The following MTMR12 variants were observed in gnomAD, a reference collection of about 807,000 sequenced individuals.
MTMR12 encodes myotubularin related protein 12.
In MTMR12, 33 loss-of-function variants were observed where a neutral mutation model predicts 96.7. That is an observed-to-expected ratio of 0.34 (90% CI 0.26 to 0.46). MTMR12 has a LOEUF of 0.46. Among genes scored for constraint, MTMR12 ranks in the 20% least tolerant of loss-of-function variants. The probability of loss-of-function intolerance (pLI) is 1.00; values close to 1 mark genes in which losing one functional copy is unlikely to be tolerated. For missense variants in MTMR12, 721 were observed against 896.1 expected (o/e 0.80, Z 2.49); for synonymous variants, 298 against 327.2 (o/e 0.91, Z 0.96).
At chr5:32,267,227 T>C (rs918773589) in intron 6 of MTMR12, among the ~76,000 whole-genome samples, 6 of 151,618 alleles carry the variant, frequency 4.0e-5, no homozygotes, top group African/African-American at 2.4e-5. Context: ...AATACAAAAA[T>C]TAGCCGGGCG....
intron 1 of MTMR12, among the ~76,000 whole-genome samples, chr5:32,298,439 C>A (rs1277967970): frequency 6.6e-6 from 1 of 152,174 alleles, no homozygotes; most frequent in African/African-American, 2.4e-5. Context: ...ACTTAACATA[C>A]TGCCCAAACC....
chr5:32,254,918 GGCAACACTTGGCTCAT>G (rs1186315804), intron 8 of MTMR12, among the ~76,000 whole-genome samples: 1 of 152,126 alleles, frequency 6.6e-6, no homozygotes, highest in East Asian at 1.9e-4. Flanking sequence ...CAGGACATCT[GGCAACACTTGGCTCAT>G]ATTCCCATGT....
At chr5:32,290,822 C>G (rs567466007) in intron 1 of MTMR12, among the ~76,000 whole-genome samples, 1 of 152,308 alleles carries the variant, frequency 6.6e-6, no homozygotes, top group Non-Finnish European at 1.5e-5. Context: ...CAAGGCCCTG[C>G]CATCTTCTGC....
At chr5:32,271,029 A>T in intron 4 of MTMR12, 82 bp from the exon 5 acceptor site, 3 of 1,425,736 alleles carry the variant, frequency 2.1e-6, no homozygotes, top group East Asian at 2.3e-5. Context: ...GTAGATGATC[A>T]ACTTCTAGGG....
At chr5:32,272,397 C>CA (rs1446597739) in intron 3 of MTMR12, among the ~76,000 whole-genome samples, 1 of 152,082 alleles carries the variant, frequency 6.6e-6, no homozygotes, top group Non-Finnish European at 1.5e-5. Context: ...CATTCTGAGA[C>CA]AGGGTTTAGT....
At chr5:32,281,498 T>C (rs1750292269) in intron 1 of MTMR12, among the ~76,000 whole-genome samples, 1 of 152,218 alleles carries the variant, frequency 6.6e-6, no homozygotes, top group East Asian at 1.9e-4. Context: ...ATTTATCTTC[T>C]AGCAGCACAC....
At chr5:32,296,158 CAAAA>C (rs542451211) in intron 1 of MTMR12, among the ~76,000 whole-genome samples, 17 of 139,332 alleles carry the variant, frequency 1.2e-4, no homozygotes, top group African/African-American at 4.5e-4. Context: ...GACTCTGTCT[CAAAA>C]AAAAAAACAA....
rs1747817391 is a variant in MTMR12, at chr5:32,228,514, AAAAT to A, written c.*1260_*1263del. On this transcript the variant is annotated 3_prime_UTR_variant, in exon 16 of 16. Transcript: ENST00000382142. ...CAAAGTATACTTTCCTGCATTAAAA[AAAAT>A]ATATATCATATATATGATATATATA... is the stretch of plus-strand genomic sequence containing the variant. The A allele has an allele frequency of 9.2e-6, 1 of 108,158 alleles. No individual in the cohort carries two copies. The highest frequency in any genetic ancestry group is 9.3e-5 in the Admixed American group (1 of 10,702). 6.7% of individuals were successfully genotyped at this position (108,158 alleles called of 1,614,324 possible). A position where few individuals can be genotyped will look rare whatever the true frequency, so the allele number is the denominator to read the frequency against.
chr5:32,259,740 T>C (rs1749283810), intron 7 of MTMR12, among the ~76,000 whole-genome samples: 1 of 152,094 alleles, frequency 6.6e-6, no homozygotes, highest in Non-Finnish European at 1.5e-5. Context: ...GCTTGCAACT[T>C]AAGTGGTACC....
At position 32,233,674 on chromosome 5, in the gene MTMR12, G is replaced by A; in HGVS notation, c.1674+99C>T. ...CTCAACTCTGCAGACTGCTTCGAGG[G>A]GTAGAAAATGCTGGCAGACAGAATC... On this transcript the variant is annotated intron_variant, in intron 15 of 15. Transcript: ENST00000382142. This position sits in a 1 kb window ranked among gnomAD's most constrained non-coding sequence, Gnocchi z 5.0. 6.6e-7 allele frequency: 1 copy of A among 1,511,446 alleles called. No individual in the cohort carries two copies. The allele number at this position is 1,511,446 out of a possible 1,614,324, so 93.6% of individuals were successfully genotyped here.
At chr5:32,235,159 G>A in intron 13 of MTMR12, 30 bp from the exon 14 acceptor site, 2 of 1,596,260 alleles carry the variant, frequency 1.3e-6, no homozygotes, top group Non-Finnish European at 1.7e-6. Context: ...GTTACTTGGT[G>A]GGCAGAGCCC....
chr5:32,266,906 C>T (rs547338566), intron 6 of MTMR12, among the ~76,000 whole-genome samples: 16 of 151,782 alleles, frequency 1.1e-4, no homozygotes, highest in Admixed American at 2.0e-4. Flanking sequence ...GGTGAAACCC[C>T]GTCTCTACTA....
intron 3 of MTMR12, among the ~76,000 whole-genome samples, chr5:32,272,358 T>C (rs1390470212): frequency 1.3e-5 from 2 of 151,948 alleles, no homozygotes; most frequent in East Asian, 1.9e-4. Flanking sequence ...AAAGGGACGA[T>C]GAAGTATGTG....
chr5:32,263,257 T>C lies in MTMR12; in HGVS notation c.584-15A>G, dbSNP rs1749444134. 2 of 1,613,322 alleles carry C rather than the reference T, an allele frequency of 1.2e-6. No homozygotes were observed. Among genetic ancestry groups the C allele is most frequent in the East Asian group, 2.2e-5 (1 of 44,874 alleles). On this transcript the variant is annotated splice_polypyrimidine_tract_variant and intron_variant, in intron 6 of 15. Transcript: ENST00000382142. ...GGGATCAGTGACTAAGAGAACAAAA[T>C]GTAAAAGACAATAAAATCTTTCCAT... is the stretch of plus-strand genomic sequence containing the variant.
At position 32,230,300 on chromosome 5, in the gene MTMR12, G is replaced by T; in HGVS notation, c.1722C>A (p.Pro574=). ...SLPLTQSKSS[P]KRGFFREETD... ...TTTCTTCCCTGAAAAATCCTCTTTT[G>T]GGAGATGACTTAGATTGTGTAAGTG... The change falls in exon 16 of 16, where the codon CCC becomes CCA. Residue 574 remains proline (P), a synonymous_variant. Transcript: ENST00000382142. The T allele has an allele frequency of 6.2e-7, 1 of 1,613,510 alleles. No homozygotes were observed. The highest frequency in any genetic ancestry group is 8.5e-7 in the Non-Finnish European group (1 of 1,179,874).
chr5:32,294,241 T>G lies in MTMR12; in HGVS notation c.82-17499A>C, dbSNP rs577713943. Among the ~76,000 whole-genome samples the G allele has an allele frequency of 2.0e-5, 3 of 152,190 alleles. No individual in the cohort carries two copies. In the East Asian group the frequency reaches 5.8e-4, roughly 29 times the overall value. The stretch of plus-strand genomic sequence containing the variant: ...AACTCTCTCCATCAGAACACTGAGG[T>G]GCCCCTTTGCTAGATACCCAAACCA... On this transcript the variant is annotated intron_variant, in intron 1 of 15. Coordinates refer to ENST00000382142, the MANE Select transcript of MTMR12 (RefSeq NM_001040446.3).
rs140253005 is a variant in MTMR12, at chr5:32,230,269, G to T, written c.1753C>A (p.His585Asn). 26 of 1,614,108 alleles carry T rather than the reference G, an allele frequency of 1.6e-5. No homozygotes were observed. The African/African-American group carries it at 2.9e-4, about 18-fold the overall frequency. Residue 585 changes from histidine (H) to asparagine (N), a missense_variant, in exon 16 of 16, where the codon CAT becomes AAT. Coordinates refer to ENST00000382142, the MANE Select transcript of MTMR12 (RefSeq NM_001040446.3). ...TTGCCCAGAAGGTTTTTAATTAAAT[G>T]ATCTGTTTCTTCCCTGAAAAATCCT... ...KRGFFREETDHLIKNLLGKRI... is the reference protein window; with the variant it reads ...KRGFFREETDNLIKNLLGKRI...
intron 1 of MTMR12, among the ~76,000 whole-genome samples, chr5:32,306,158 C>T (rs1204009905): frequency 6.6e-6 from 1 of 152,122 alleles, no homozygotes; most frequent in African/African-American, 2.4e-5. Context: ...ATATTCCTTA[C>T]ATTCATAAAT....
chr5:32,273,535 C>A (rs1749924928), intron 3 of MTMR12, among the ~76,000 whole-genome samples: 1 of 152,128 alleles, frequency 6.6e-6, no homozygotes, highest in Non-Finnish European at 1.5e-5. Flanking sequence ...AGATGTTATT[C>A]CAGTGAGTGA....
Sources: allele counts gnomAD v4.1 joint callset (sites outside exome capture counted in the v4.1 genomes callset), GRCh38; gene constraint gnomAD v4.1.1; non-coding constraint Gnocchi (gnomAD v3.1); transcripts MANE v1.5; gene names NCBI Gene and HGNC (gene_info 2026-07-23, HGNC 2026-07-21).